Variants in RASAL2 observed in about 807,000 individuals in gnomAD.
RASAL2 encodes ras GTPase-activating protein nGAP.
Under a neutral mutation model 128.9 loss-of-function variants are expected in RASAL2, and 58 were observed. The observed-to-expected ratio is 0.45, with a 90% CI of 0.36 to 0.56. RASAL2 has a LOEUF of 0.56. Ranked by LOEUF, RASAL2 falls within the 20% of genes least tolerant of loss-of-function variation. The pLI, the probability that RASAL2 is intolerant of heterozygous loss-of-function variation, is 0.00. For missense variants in RASAL2, 1,360 were observed against 1,601.6 expected, an observed-to-expected ratio of 0.85 and a Z score of 2.57; for synonymous variants, 561 against 580.8, an observed-to-expected ratio of 0.97 and a Z score of 0.49.
intron 3 of RASAL2, among the ~76,000 whole-genome samples, chr1:178,379,998 C>G (rs1245205967): frequency 6.6e-6 from 1 of 152,166 alleles, no homozygotes; most frequent in Non-Finnish European, 1.5e-5. Context: ...CTCAGCGCCC[C>G]CTACCCGTAG....
intron 4 of RASAL2, among the ~76,000 whole-genome samples, chr1:178,403,405 A>G (rs945095634): frequency 6.6e-6 from 1 of 152,180 alleles, no homozygotes. Flanking sequence ...GATGAGCTCA[A>G]TGTGTTTGTT....
intron 1 of RASAL2, among the ~76,000 whole-genome samples, chr1:178,231,417 C>A (rs991027268): frequency 6.6e-6 from 1 of 151,976 alleles, no homozygotes; most frequent in Non-Finnish European, 1.5e-5. Context: ...TATAGAAGTT[C>A]TTTGTATATT....
At chr1:178,397,008 A>G (rs778616711) in intron 4 of RASAL2, among the ~76,000 whole-genome samples, 9 of 152,192 alleles carry the variant, frequency 5.9e-5, no homozygotes, top group Admixed American at 2.6e-4. Flanking sequence ...GAGAGACAAT[A>G]ATAAGTATTG....
intron 3 of RASAL2, among the ~76,000 whole-genome samples, chr1:178,335,863 C>A (rs192155503): frequency 1.3e-5 from 2 of 151,758 alleles, no homozygotes; most frequent in African/African-American, 4.8e-5. Flanking sequence ...TATGCAAGCT[C>A]CTTTATAAAA....
At chr1:178,130,492 A>G (rs1660063669) in intron 1 of RASAL2, among the ~76,000 whole-genome samples, 2 of 152,162 alleles carry the variant, frequency 1.3e-5, no homozygotes, top group Admixed American at 1.3e-4. Context: ...GAGATAATTT[A>G]TTCTTTTACT....
At chr1:178,323,693 TTTA>T (rs140616046) in intron 3 of RASAL2, among the ~76,000 whole-genome samples, 15,343 of 152,134 alleles carry the variant, frequency 0.1, 781 homozygotes, top group Middle Eastern at 0.13. Flanking sequence ...TTTTTAAGAT[TTTA>T]TTAATAGTAA....
rs1360415709 is a variant in RASAL2 at position 178,475,813 on chromosome 1, A to G, written c.*2574A>G. 2 of 152,242 alleles carry G rather than the reference A, an allele frequency of 1.3e-5. No homozygotes were observed. Among genetic ancestry groups the G allele is most frequent in the African/African-American group, 4.8e-5 (2 of 41,464 alleles). The allele number at this position is 152,242 out of a possible 1,614,324, so 9.4% of individuals were successfully genotyped here. ...AGGTTATCTTGAATGAAGAAGAAAT[A>G]GTAAAAAATAATAATAATAGAGCAT... On this transcript the variant is annotated 3_prime_UTR_variant, in exon 18 of 18. Coordinates refer to ENST00000367649, the MANE Select transcript of RASAL2 (RefSeq NM_170692.4).
In RASAL2 at chr1:178,461,053, A is replaced by G. The variant is rs916521001; in HGVS notation, c.3252+2509A>G. Among the ~76,000 whole-genome samples, 9 of 152,166 alleles carry G rather than the reference A, an allele frequency of 5.9e-5. No homozygotes were observed. In the East Asian group the frequency reaches 1.7e-3, roughly 29 times the overall value. ...GGTCTTGAACTCCTGACCTCAAGTG[A>G]TCCACCTGCCTCGGCCTCCCAAAGT... On this transcript the variant is annotated intron_variant, in intron 14 of 17. Transcript: ENST00000367649.
rs371444507 is a variant in RASAL2 at position 178,442,636 on chromosome 1, A to G, written c.928-39A>G. 2.3e-4 allele frequency: 355 copies of G among 1,536,028 alleles called. No individual in the cohort carries two copies. The highest frequency in any genetic ancestry group is 2.6e-4 in the Non-Finnish European group (292 of 1,142,352). On this transcript the variant is annotated intron_variant, in intron 7 of 17. Transcript: ENST00000367649. Reference sequence around the variant, plus strand: ...AGAAAAAAATGTTTTTTTTTCTGCAATGTCAGCTCTGAAATTCAGCTTTGT... The same window carrying G: ...AGAAAAAAATGTTTTTTTTTCTGCAGTGTCAGCTCTGAAATTCAGCTTTGT...
At chr1:178,151,606 A>C (rs1660917249) in intron 1 of RASAL2, among the ~76,000 whole-genome samples, 1 of 152,188 alleles carries the variant, frequency 6.6e-6, no homozygotes, top group Non-Finnish European at 1.5e-5. Flanking sequence ...GATAATAACC[A>C]GAATTGATTG....
chr1:178,443,345 CAAGAAGAATT>C (rs2102850682), intron 8 of RASAL2, 116 bp downstream of exon 8: 2 of 964,254 alleles, frequency 2.1e-6, no homozygotes, highest in Non-Finnish European at 3.0e-6. Context: ...TTGGTCAAAA[CAAGAAGAATT>C]AAGAAGAAAA....
At chr1:178,386,310 CA>C (rs1378544924) in intron 3 of RASAL2, among the ~76,000 whole-genome samples, 1 of 152,178 alleles carries the variant, frequency 6.6e-6, no homozygotes, top group East Asian at 1.9e-4. Flanking sequence ...TGCCTCAAAG[CA>C]TATAAACTCA....
At chr1:178,398,727 A>G (rs1673421981) in intron 4 of RASAL2, among the ~76,000 whole-genome samples, 1 of 152,100 alleles carries the variant, frequency 6.6e-6, no homozygotes, top group Admixed American at 6.5e-5. Flanking sequence ...TTCTCTTTGT[A>G]GTGCTGCACA....
At chr1:178,219,461 A>C (rs747159910) in intron 1 of RASAL2, among the ~76,000 whole-genome samples, 4 of 151,920 alleles carry the variant, frequency 2.6e-5, no homozygotes, top group Non-Finnish European at 4.4e-5. Flanking sequence ...AGCCTGGGCA[A>C]CAAACCCTAT....
intron 3 of RASAL2, among the ~76,000 whole-genome samples, chr1:178,308,173 C>T (rs1314491132): frequency 6.6e-6 from 1 of 152,060 alleles, no homozygotes; most frequent in African/African-American, 2.4e-5. Context: ...AACCTATAAA[C>T]ATTTGGTAAA....
intron 1 of RASAL2, among the ~76,000 whole-genome samples, chr1:178,211,409 A>C (rs1663252922): frequency 6.6e-6 from 1 of 152,146 alleles, no homozygotes; most frequent in African/African-American, 2.4e-5. Context: ...AAACATGATC[A>C]CATTACTAGC....
At chr1:178,421,368 G>C (rs924874228) in intron 5 of RASAL2, among the ~76,000 whole-genome samples, 1 of 151,996 alleles carries the variant, frequency 6.6e-6, no homozygotes, top group African/African-American at 2.4e-5. Flanking sequence ...ATCATGTCTC[G>C]ATAATGTTCA....
At chr1:178,193,847 A>G (rs1471676242) in intron 1 of RASAL2, among the ~76,000 whole-genome samples, 3 of 152,226 alleles carry the variant, frequency 2.0e-5, no homozygotes, top group African/African-American at 4.8e-5. Context: ...ATAGCTAGCT[A>G]TTACAAATGC....
rs185036083 is a variant in RASAL2, at chr1:178,136,933, A to G, written c.202+42239A>G. Among the ~76,000 whole-genome samples the G allele has an allele frequency of 1.6e-4, 25 of 152,266 alleles. No homozygotes were observed. The East Asian group carries it at 4.6e-3, about 28-fold the overall frequency. ...GAAAAGCTTGACAATTTTGAGAACT[A>G]ATTGAAGGCTTTTATCCTTTAATTA... On this transcript the variant is annotated intron_variant, in intron 1 of 17. Transcript: ENST00000367649.
Sources: allele counts gnomAD v4.1 joint callset (sites outside exome capture counted in the v4.1 genomes callset), GRCh38; gene constraint gnomAD v4.1.1; transcripts MANE v1.5; gene names NCBI Gene and HGNC (gene_info 2026-07-23, HGNC 2026-07-21).